RPSA2: variants seen among roughly 807,000 people sequenced by gnomAD.
RPSA2 encodes the protein ribosomal protein SA 2.
At chr19:23,841,532 A>G in the RPSA2 span, among the ~76,000 whole-genome samples, 3 of 152,200 alleles carry the variant, frequency 2.0e-5, no homozygotes, top group Non-Finnish European at 4.4e-5. Context: ...ATGTGCATAA[A>G]CAATCACATT....
the RPSA2 span, among the ~76,000 whole-genome samples, chr19:23,862,712 A>G: frequency 6.6e-6 from 1 of 151,798 alleles, no homozygotes; most frequent in Non-Finnish European, 1.5e-5. Context: ...ATATTGAACC[A>G]GCCTTGAATC....
At chr19:23,758,914 G>A in the RPSA2 span, 2 of 879,186 alleles carry the variant, frequency 2.3e-6, no homozygotes, top group Admixed American at 2.4e-5. Flanking sequence ...AATCCCGGAA[G>A]CCGCCCTGTC....
the RPSA2 span, among the ~76,000 whole-genome samples, chr19:23,833,905 A>G: frequency 6.6e-6 from 1 of 152,146 alleles, no homozygotes; most frequent in Admixed American, 6.5e-5. Context: ...AATTTTGTCC[A>G]ACATCAGTGA....
the RPSA2 span, among the ~76,000 whole-genome samples, chr19:23,770,035 G>A: frequency 4.6e-5 from 7 of 152,176 alleles, no homozygotes; most frequent in African/African-American, 9.6e-5. Flanking sequence ...TGTGCTCTGC[G>A]AACTGGGGTG....
At chr19:23,840,636 A>G in the RPSA2 span, among the ~76,000 whole-genome samples, 1 of 152,192 alleles carries the variant, frequency 6.6e-6, no homozygotes, top group Non-Finnish European at 1.5e-5. Context: ...ATGCTTAAAG[A>G]GAGAGTATTT....
chr19:23,831,880 C>A, the RPSA2 span: 2 of 293,368 alleles, frequency 6.8e-6, no homozygotes, highest in Non-Finnish European at 1.4e-5. Flanking sequence ...TGGAAGAAAA[C>A]CTTTCAAATG....
chr19:23,850,639 G>A, the RPSA2 span, among the ~76,000 whole-genome samples: 1 of 151,564 alleles, frequency 6.6e-6, no homozygotes, highest in Non-Finnish European at 1.5e-5. Flanking sequence ...ATGATCTCCT[G>A]GTGAAACACA....
chr19:23,786,383 A>C, the RPSA2 span, among the ~76,000 whole-genome samples: 1 of 152,132 alleles, frequency 6.6e-6, no homozygotes, highest in African/African-American at 2.4e-5. Flanking sequence ...GCCTGGTCCC[A>C]GTCTGAAGAT....
the RPSA2 span, among the ~76,000 whole-genome samples, chr19:23,760,419 G>A: frequency 6.6e-6 from 1 of 151,982 alleles, no homozygotes; most frequent in Non-Finnish European, 1.5e-5. Flanking sequence ...TGTCTCAGTG[G>A]GGAATAGACT....
At chr19:23,766,846 C>T in the RPSA2 span, among the ~76,000 whole-genome samples, 17 of 151,884 alleles carry the variant, frequency 1.1e-4, no homozygotes, top group African/African-American at 3.9e-4. Context: ...ACAATCTTCA[C>T]CTCCTGGGTT....
the RPSA2 span, among the ~76,000 whole-genome samples, chr19:23,776,017 C>T: frequency 0.043 from 6,543 of 152,258 alleles, 209 homozygotes; most frequent in South Asian, 0.16. Flanking sequence ...CACTGCTGGA[C>T]CCAGCGCCTA....
At chr19:23,852,923 T>C in the RPSA2 span, among the ~76,000 whole-genome samples, 1 of 152,260 alleles carries the variant, frequency 6.6e-6, no homozygotes, top group Non-Finnish European at 1.5e-5. Context: ...AATTTTATCC[T>C]GAGCAATGTG....
chr19:23,854,869 C>G, the RPSA2 span, among the ~76,000 whole-genome samples: 1 of 152,122 alleles, frequency 6.6e-6, no homozygotes, highest in Non-Finnish European at 1.5e-5. Flanking sequence ...CAGGCAACAC[C>G]TTGTGATCAG....
the RPSA2 span, among the ~76,000 whole-genome samples, chr19:23,766,733 C>T: frequency 6.7e-6 from 1 of 149,422 alleles, no homozygotes; most frequent in Non-Finnish European, 1.5e-5. Context: ...GGATTACAGG[C>T]CTGAGCCACC....
At chr19:23,759,522 G>GTT in the RPSA2 span, among the ~76,000 whole-genome samples, 219 of 89,028 alleles carry the variant, frequency 2.5e-3, 8 homozygotes, top group African/African-American at 9.2e-3. Context: ...TATATATCAG[G>GTT]TTTTTTTTTT....
At chr19:23,807,509 T>C in the RPSA2 span, among the ~76,000 whole-genome samples, 5 of 152,210 alleles carry the variant, frequency 3.3e-5, no homozygotes, top group East Asian at 7.7e-4. Context: ...GAAAAACATA[T>C]ATAACTCATT....
chr19:23,798,415 T>G, the RPSA2 span, among the ~76,000 whole-genome samples: 148,919 of 152,202 alleles, frequency 0.98, 72,948 homozygotes, highest in Middle Eastern at 1. Context: ...ATTACTTCAG[T>G]ACAATTAGCA....
At chr19:23,769,490 T>A in the RPSA2 span, among the ~76,000 whole-genome samples, 1 of 151,604 alleles carries the variant, frequency 6.6e-6, no homozygotes, top group South Asian at 2.1e-4. Flanking sequence ...ATTATAGGCA[T>A]GCACCGCCAC....
At chr19:23,821,443 C>A in the RPSA2 span, among the ~76,000 whole-genome samples, 1 of 152,206 alleles carries the variant, frequency 6.6e-6, no homozygotes, top group Non-Finnish European at 1.5e-5. Context: ...GTTAAGGCTT[C>A]TTTGATTTGT....
Sources: gnomAD v4.1 joint callset for allele counts (sites outside exome capture counted in the v4.1 genomes callset) on GRCh38, gnomAD v4.1.1 for gene constraint, MANE v1.5 for transcripts, NCBI Gene and HGNC (gene_info 2026-07-23, HGNC 2026-07-21) for gene names.